KCNT2: variants seen among roughly 807,000 people sequenced by gnomAD.
KCNT2 encodes the protein potassium sodium-activated channel subfamily T member 2.
In KCNT2, 67 loss-of-function variants were observed where a neutral mutation model predicts 153.8. That is an observed-to-expected ratio of 0.44 (90% CI 0.36 to 0.53). The LOEUF (loss-of-function observed/expected upper bound fraction) is 0.53, where lower values mean the gene tolerates loss of function less well. Among genes scored for constraint, KCNT2 ranks in the 20% least tolerant of loss-of-function variants. The pLI is 0.00. For synonymous variants in KCNT2, 500 were observed against 458.8 expected (o/e 1.09, Z -1.15); for missense variants, 975 against 1,354.8 (o/e 0.72, Z 4.40).
intron 26 of KCNT2, among the ~76,000 whole-genome samples, chr1:196,255,635 T>C (rs1458363917): frequency 6.6e-6 from 1 of 151,880 alleles, no homozygotes; most frequent in Non-Finnish European, 1.5e-5. Flanking sequence ...AAAACATATA[T>C]GTTCACAATA....
At chr1:196,364,955 A>T (rs1167711645) in intron 14 of KCNT2, among the ~76,000 whole-genome samples, 2 of 152,050 alleles carry the variant, frequency 1.3e-5, no homozygotes, top group African/African-American at 2.4e-5. Context: ...GTAAAAGCAA[A>T]TTTGCTTCCC....
chr1:196,311,053 C>T (rs1264374580), intron 21 of KCNT2, among the ~76,000 whole-genome samples: 1 of 151,854 alleles, frequency 6.6e-6, no homozygotes, highest in Non-Finnish European at 1.5e-5. Flanking sequence ...TCTCTCTTCA[C>T]TTTTCAGGTA....
intron 1 of KCNT2, among the ~76,000 whole-genome samples, chr1:196,559,202 A>G (rs983255465): frequency 6.6e-5 from 10 of 151,630 alleles, no homozygotes; most frequent in African/African-American, 2.4e-4. Flanking sequence ...CAGTAAATAA[A>G]TGGAATGCTC....
chr1:196,407,380 A>T (rs1671916158), intron 12 of KCNT2, among the ~76,000 whole-genome samples: 1 of 151,592 alleles, frequency 6.6e-6, no homozygotes, highest in Non-Finnish European at 1.5e-5. Context: ...TTCTGAGTGT[A>T]CTAAAAACTC....
chr1:196,282,006 C>T (rs1659157013), intron 24 of KCNT2, among the ~76,000 whole-genome samples: 1 of 152,036 alleles, frequency 6.6e-6, no homozygotes, highest in South Asian at 2.1e-4. Flanking sequence ...GCCTCAGCCT[C>T]CCAAAGTGCT....
At chr1:196,279,937 G>T (rs529041865) in intron 25 of KCNT2, among the ~76,000 whole-genome samples, 49 of 152,174 alleles carry the variant, frequency 3.2e-4, no homozygotes, top group Non-Finnish European at 3.4e-4. Flanking sequence ...GTGGTTTAAT[G>T]ATCATAGAAA....
intron 25 of KCNT2, among the ~76,000 whole-genome samples, chr1:196,278,096 C>A (rs1371077387): frequency 6.6e-6 from 1 of 151,940 alleles, no homozygotes; most frequent in Non-Finnish European, 1.5e-5. Context: ...CCAAGAAAAA[C>A]AAATCTTTTG....
chr1:196,392,512 G>A (rs754254866), intron 13 of KCNT2, among the ~76,000 whole-genome samples: 5 of 151,408 alleles, frequency 3.3e-5, no homozygotes, highest in South Asian at 2.1e-4. Flanking sequence ...GGGAAATGAA[G>A]AAATCATTCA....
At chr1:196,373,010 C>A in intron 14 of KCNT2, 130 bp downstream of exon 14, 1 of 528,416 alleles carries the variant, frequency 1.9e-6, no homozygotes. Context: ...ATAAAGATAA[C>A]TCACACAAAT....
chr1:196,256,959 C>T (rs2147774841), intron 26 of KCNT2, among the ~76,000 whole-genome samples: 1 of 152,052 alleles, frequency 6.6e-6, no homozygotes, highest in Admixed American at 6.6e-5. Flanking sequence ...TAATTTGCTT[C>T]TTAATGTAAG....
chr1:196,421,553 T>G (rs558447154), intron 12 of KCNT2, among the ~76,000 whole-genome samples: 34 of 152,166 alleles, frequency 2.2e-4, no homozygotes, highest in African/African-American at 8.2e-4. Context: ...ATTAAAGTAG[T>G]GCTTAAATGA....
chr1:196,565,927 C>T (rs1419595296), intron 1 of KCNT2, among the ~76,000 whole-genome samples: 1 of 151,558 alleles, frequency 6.6e-6, no homozygotes, highest in East Asian at 1.9e-4. Flanking sequence ...TAGTTAATAA[C>T]AATGTATTAT....
chr1:196,266,931 A>G (rs1334174025), intron 25 of KCNT2, among the ~76,000 whole-genome samples: 3 of 152,178 alleles, frequency 2.0e-5, no homozygotes, highest in African/African-American at 7.2e-5. Context: ...CTAAAAGGAG[A>G]TAGCTCATTT....
intron 1 of KCNT2, among the ~76,000 whole-genome samples, chr1:196,571,454 A>G (rs1351961497): frequency 6.6e-6 from 1 of 152,128 alleles, no homozygotes; most frequent in African/African-American, 2.4e-5. Flanking sequence ...GTGAGAATGA[A>G]TATAAGAAGC....
Position 196,411,298 on chromosome 1 carries a change from G to C in KCNT2, c.1185+11752C>G, listed in dbSNP as rs367753461. Among the ~76,000 whole-genome samples, 18 of 151,226 alleles carry C rather than the reference G, an allele frequency of 1.2e-4. No homozygotes were observed. In the East Asian group the frequency reaches 2.9e-3, roughly 25 times the overall value. Reference sequence around the variant, plus strand: ...GCGTGTATTTATGCTGGTACCATGTGGTTTTAATAACTATAGCTTTGAAAT... The same window carrying C: ...GCGTGTATTTATGCTGGTACCATGTCGTTTTAATAACTATAGCTTTGAAAT... On this transcript the variant is annotated intron_variant, in intron 12 of 27. Transcript: ENST00000294725.
chr1:196,421,879 G>A (rs943892121), intron 12 of KCNT2, among the ~76,000 whole-genome samples: 11 of 151,994 alleles, frequency 7.2e-5, no homozygotes, highest in East Asian at 1.9e-4. Context: ...GTATATTGCC[G>A]TCTTCATGTT....
At chr1:196,365,764 G>T (rs577194870) in intron 14 of KCNT2, among the ~76,000 whole-genome samples, 1 of 152,302 alleles carries the variant, frequency 6.6e-6, no homozygotes, top group Admixed American at 6.5e-5. Flanking sequence ...AATACAACAT[G>T]TGGTTCTGGG....
chr1:196,279,033 C>T (rs1024853811), intron 25 of KCNT2, among the ~76,000 whole-genome samples: 1 of 152,106 alleles, frequency 6.6e-6, no homozygotes, highest in African/African-American at 2.4e-5. Context: ...GCAACAGACA[C>T]GTAATCAACT....
At chr1:196,545,730 C>G (rs1041305955) in intron 1 of KCNT2, among the ~76,000 whole-genome samples, 2 of 147,854 alleles carry the variant, frequency 1.4e-5, no homozygotes, top group East Asian at 2.0e-4. Flanking sequence ...CCCACCCCCC[C>G]AGCTCCAGCA....
Sources: allele counts gnomAD v4.1 joint callset (sites outside exome capture counted in the v4.1 genomes callset), GRCh38; gene constraint gnomAD v4.1.1; transcripts MANE v1.5; gene names NCBI Gene and HGNC (gene_info 2026-07-23, HGNC 2026-07-21).